ACTL6B: variants seen among roughly 807,000 people sequenced by gnomAD.
The protein encoded by ACTL6B is actin-like protein 6B.
In ACTL6B, 48 loss-of-function variants were observed where a neutral mutation model predicts 63.3. The ratio of observed to expected loss-of-function variants is 0.76; its 90% CI spans 0.60 to 0.96. ACTL6B has a LOEUF of 0.96. Ranked by LOEUF, ACTL6B falls within the 50% of genes least tolerant of loss-of-function variation. The pLI, the probability that ACTL6B is intolerant of heterozygous loss-of-function variation, is 0.00. For missense variants in ACTL6B, 350 were observed against 572.2 expected (o/e 0.61, Z 3.96); for synonymous variants, 230 against 223.8 (o/e 1.03, Z -0.25).
Position 100,646,370 on chromosome 7 carries a change from CT to C in ACTL6B, c.1114-36del, listed in dbSNP as rs773507597. The stretch of plus-strand genomic sequence containing the variant: ...AAAAGGGGCTGGGGGAAGCAGACAC[CT>C]AGGTTCTGGGAAGGGACAGGGCTTG... On this transcript the variant is annotated intron_variant, in intron 12 of 13. Transcript: ENST00000160382. The surrounding 1 kb of genome is among the most constrained non-coding windows in gnomAD (Gnocchi z 6.1). 1.9e-6 allele frequency: 3 copies of C among 1,608,226 alleles called. No homozygotes were observed. The highest frequency in any genetic ancestry group is 2.5e-6 in the Non-Finnish European group (3 of 1,176,916).
chr7:100,648,723 C>A lies in ACTL6B; in HGVS notation c.562+6G>T, dbSNP rs768670700. On this transcript the variant is annotated splice_donor_region_variant and intron_variant, in intron 6 of 13. Transcript: ENST00000160382. This position sits in a 1 kb window ranked among gnomAD's most constrained non-coding sequence, Gnocchi z 4.4. ...GGAGCACCCCCACCCCCTGCCGAAG[C>A]CCCACCTTGCTGCAGAACGTAGCCG... The A allele has an allele frequency of 1.1e-5, 18 of 1,613,956 alleles. No homozygotes were observed. The highest frequency in any genetic ancestry group is 1.5e-5 in the Non-Finnish European group (18 of 1,179,992).
rs1803819691 is a variant in ACTL6B at position 100,646,249 on chromosome 7, C to T, written c.1200G>A (p.Leu400=). Residue 400 remains leucine (L), a splice_region_variant and synonymous_variant, in exon 13 of 14, where the codon CTG becomes CTA. Transcript: ENST00000160382. This position sits in a 1 kb window ranked among gnomAD's most constrained non-coding sequence, Gnocchi z 6.1. The part of the protein sequence containing the change: ...PWIGGSILAS[L]GTFQQMWISK... Reference sequence around the variant, plus strand: ...CTAGGCCAGGTCCCTTTCCTCTCACCAGTGAGGCCAGGATGGAACCCCCGA... The same window carrying T: ...CTAGGCCAGGTCCCTTTCCTCTCACTAGTGAGGCCAGGATGGAACCCCCGA... 6.2e-7 allele frequency: 1 copy of T among 1,613,964 alleles called. No individual in the cohort carries two copies. Among genetic ancestry groups the T allele is most frequent in the Non-Finnish European group, 8.5e-7 (1 of 1,179,898 alleles).
At position 100,647,826 on chromosome 7, in the gene ACTL6B, C is replaced by T; in HGVS notation, c.670-293G>A. 2.5e-6 allele frequency: 1 copy of T among 405,258 alleles called. No individual in the cohort carries two copies. The highest frequency in any genetic ancestry group is 4.4e-6 in the Non-Finnish European group (1 of 226,118). The allele number at this position is 405,258 out of a possible 1,614,324, so 25.1% of individuals were successfully genotyped here. The stretch of plus-strand genomic sequence containing the variant: ...TAGGGGGTCATGATCCATGTGAGGG[C>T]ACGGAATGGAGCTAAGCACACAGTG... On this transcript the variant is annotated intron_variant, in intron 7 of 13. Coordinates refer to ENST00000160382, the MANE Select transcript of ACTL6B (RefSeq NM_016188.5). The surrounding 1 kb of genome is among the most constrained non-coding windows in gnomAD (Gnocchi z 4.4).
At position 100,648,767 on chromosome 7, in the gene ACTL6B, G is replaced by A; in HGVS notation, c.524C>T (p.Thr175Met). 1 of 1,614,116 alleles carries A rather than the reference G, an allele frequency of 6.2e-7. No individual in the cohort carries two copies. Among genetic ancestry groups the A allele is most frequent in the Non-Finnish European group, 8.5e-7 (1 of 1,180,016 alleles). ...GTAGCCGTCATGTACTGGAATGGCC[G>A]TGGTGTGGGTGGCTCCACTGTCCAG... ...LVLDSGATHT[T>M]AIPVHDGYVL... The change falls in exon 6 of 14, where the codon ACG (threonine) becomes ATG (methionine). Residue 175 changes from threonine to methionine, a missense_variant. Physicochemically the swap from Thr to Met is moderately conservative, Grantham distance 81. Around this residue, in one of 3 missense-constraint regions of ACTL6B, gnomAD observed 250 missense variants for 364.7 expected, o/e 0.69. Transcript: ENST00000160382. This position sits in a 1 kb window ranked among gnomAD's most constrained non-coding sequence, Gnocchi z 4.4.
chr7:100,647,330 AGCACCCCCTGCCCC>A lies in ACTL6B; in HGVS notation c.760-60_760-47del. 6.2e-7 allele frequency: 1 copy of A among 1,608,680 alleles called. No homozygotes were observed. Among genetic ancestry groups the A allele is most frequent in the Non-Finnish European group, 8.5e-7 (1 of 1,176,712 alleles). ...GTGAGGGCCTGCCTTCCCCGTGAGCAGCACCCCCTGCCCCGCTCCCCCTCCCTGCTCCCCCTCCC... is the reference window on the plus strand; with the variant it reads ...GTGAGGGCCTGCCTTCCCCGTGAGCAGCTCCCCCTCCCTGCTCCCCCTCCC... On this transcript the variant is annotated intron_variant, in intron 8 of 13. Transcript: ENST00000160382. This position sits in a 1 kb window ranked among gnomAD's most constrained non-coding sequence, Gnocchi z 4.4.
At position 100,648,738 on chromosome 7, in the gene ACTL6B, G is replaced by A. The variant is rs781683618; in HGVS notation, c.553C>T (p.Leu185=). Residue 185 remains leucine (L), a synonymous_variant, in exon 6 of 14, where the codon CTG becomes TTG. Coordinates refer to ENST00000160382, the MANE Select transcript of ACTL6B (RefSeq NM_016188.5). The surrounding 1 kb of genome is among the most constrained non-coding windows in gnomAD (Gnocchi z 4.4). ...TAIPVHDGYV[L]QQGIVKSPLA... is the part of the protein sequence containing the mutation. ...CCTGCCGAAGCCCCACCTTGCTGCA[G>A]AACGTAGCCGTCATGTACTGGAATG... The A allele has an allele frequency of 6.2e-7, 1 of 1,614,126 alleles. No individual in the cohort carries two copies. The highest frequency in any genetic ancestry group is 8.5e-7 in the Non-Finnish European group (1 of 1,180,022).
Position 100,655,869 on chromosome 7 carries a change from C to A in ACTL6B, c.36G>T (p.Gly12=), listed in dbSNP as rs1168399517. ...AGGAGCCAATGTCAAAGACCAGCGC[C>A]CCCACCTCATCTGTGCGGGGAGACA... ...SGGVYGGDEV[G]ALVFDIGSFS... Residue 12 remains glycine (G), a synonymous_variant, in exon 2 of 14, where the codon GGG becomes GGT. Coordinates refer to ENST00000160382, the MANE Select transcript of ACTL6B (RefSeq NM_016188.5). This position sits in a 1 kb window ranked among gnomAD's most constrained non-coding sequence, Gnocchi z 4.4. 1 of 1,571,082 alleles carries A rather than the reference C, an allele frequency of 6.4e-7. No individual in the cohort carries two copies. The highest frequency in any genetic ancestry group is 1.8e-5 in the Admixed American group (1 of 54,328).
At chr7:100,652,187 A>G (rs1305087388) in intron 4 of ACTL6B, among the ~76,000 whole-genome samples, 2 of 151,968 alleles carry the variant, frequency 1.3e-5, no homozygotes, top group East Asian at 3.9e-4. Flanking sequence ...TCGCGAGGTC[A>G]GGAGATGGAG....
Position 100,648,499 on chromosome 7 carries a change from GC to G in ACTL6B, c.669+56del. ...TATCTCATGTGTCAGAGGGTTGACG[GC>G]CATGGGGCGAGTGGCCAGGACTCTA... On this transcript the variant is annotated intron_variant, in intron 7 of 13. Coordinates refer to ENST00000160382, the MANE Select transcript of ACTL6B (RefSeq NM_016188.5). This position sits in a 1 kb window ranked among gnomAD's most constrained non-coding sequence, Gnocchi z 4.4. 6.9e-7 allele frequency: 1 copy of G among 1,439,454 alleles called. No homozygotes were observed. Among genetic ancestry groups the G allele is most frequent in the Non-Finnish European group, 9.4e-7 (1 of 1,066,410 alleles). The allele number at this position is 1,439,454 out of a possible 1,614,324, so 89.2% of individuals were successfully genotyped here.
At chr7:100,645,878 C>T (rs915016187) in intron 13 of ACTL6B, among the ~76,000 whole-genome samples, 3 of 152,280 alleles carry the variant, frequency 2.0e-5, no homozygotes, top group East Asian at 3.9e-4. Flanking sequence ...GTGATCCACC[C>T]GTCTCGGCCT....
At position 100,646,584 on chromosome 7, in the gene ACTL6B, C is replaced by T. The variant is rs781395688; in HGVS notation, c.1080G>A (p.Arg360=). The change falls in exon 12 of 14, where the codon AGG becomes AGA. Residue 360 remains arginine, a synonymous_variant. Coordinates refer to ENST00000160382, the MANE Select transcript of ACTL6B (RefSeq NM_016188.5). The surrounding 1 kb of genome is among the most constrained non-coding windows in gnomAD (Gnocchi z 6.1). ...GNTLLQGFTD[R]LNRELSQKTP... ...TCTTCTGGGAAAGCTCTCGATTGAG[C>T]CTGTCAGTGAAGCCCTGCAGCAGTG... 3 of 1,613,920 alleles carry T rather than the reference C, an allele frequency of 1.9e-6. No individual in the cohort carries two copies. The highest frequency in any genetic ancestry group is 1.3e-5 in the African/African-American group (1 of 74,902).
chr7:100,648,758 G>C lies in ACTL6B; in HGVS notation c.533C>G (p.Pro178Arg). Residue 178 changes from proline (P) to arginine (R), a missense_variant, in exon 6 of 14, where the codon CCA (proline) becomes CGA (arginine). Physicochemically the swap from Pro to Arg is moderately radical, Grantham distance 103. Around this residue, in one of 3 missense-constraint regions of ACTL6B, gnomAD observed 250 missense variants for 364.7 expected, o/e 0.69. Transcript: ENST00000160382. The surrounding 1 kb of genome is among the most constrained non-coding windows in gnomAD (Gnocchi z 4.4). Reference protein sequence around the residue: ...DSGATHTTAIPVHDGYVLQQG... With the variant: ...DSGATHTTAIRVHDGYVLQQG... ...CTGCAGAACGTAGCCGTCATGTACT[G>C]GAATGGCCGTGGTGTGGGTGGCTCC... 1 of 1,614,136 alleles carries C rather than the reference G, an allele frequency of 6.2e-7. No homozygotes were observed. The highest frequency in any genetic ancestry group is 8.5e-7 in the Non-Finnish European group (1 of 1,180,024).
At position 100,648,867 on chromosome 7, in the gene ACTL6B, A is replaced by AG; in HGVS notation, c.468-45dup. Reference sequence around the variant, plus strand: ...GTCAAAGAGACAGCAGCAGCAAGTGAGGGGCCTGGGCCCAGATCTTGTCTG... The same window carrying AG: ...GTCAAAGAGACAGCAGCAGCAAGTGAGGGGGCCTGGGCCCAGATCTTGTCTG... On this transcript the variant is annotated intron_variant, in intron 5 of 13. Transcript: ENST00000160382. The surrounding 1 kb of genome is among the most constrained non-coding windows in gnomAD (Gnocchi z 4.4). The AG allele has an allele frequency of 6.3e-7, 1 of 1,577,574 alleles. No individual in the cohort carries two copies. The highest frequency in any genetic ancestry group is 8.6e-7 in the Non-Finnish European group (1 of 1,160,344).
chr7:100,644,060 C>T (rs535172830), intron 13 of ACTL6B, among the ~76,000 whole-genome samples: 201 of 152,116 alleles, frequency 1.3e-3, no homozygotes, highest in African/African-American at 4.3e-3. Flanking sequence ...CCAACACGCC[C>T]GGCTAATTTT....
rs528424882 is a variant in ACTL6B at position 100,646,157 on chromosome 7, G to A, written c.1200+92C>T. 73 of 1,054,846 alleles carry A rather than the reference G, an allele frequency of 6.9e-5. No individual in the cohort carries two copies. Among genetic ancestry groups the A allele is most frequent in the Middle Eastern group, 2.0e-4 (1 of 5,010 alleles). 65.3% of individuals were successfully genotyped at this position (1,054,846 alleles called of 1,614,324 possible). On this transcript the variant is annotated intron_variant, in intron 13 of 13. Transcript: ENST00000160382. The surrounding 1 kb of genome is among the most constrained non-coding windows in gnomAD (Gnocchi z 6.1). The stretch of plus-strand genomic sequence containing the variant: ...AAAACTAAATGTTTGTTGAATGAAT[G>A]AATGAACGAAGAGGCAGTCAAAGTG...
chr7:100,651,574 T>A (rs1158196393), intron 4 of ACTL6B, among the ~76,000 whole-genome samples: 9 of 151,832 alleles, frequency 5.9e-5, no homozygotes, highest in Admixed American at 3.3e-4. Context: ...AGTTTTTTTT[T>A]AGATTATTAT....
At chr7:100,652,829 C>T (rs1272870147) in intron 4 of ACTL6B, among the ~76,000 whole-genome samples, 6 of 149,774 alleles carry the variant, frequency 4.0e-5, no homozygotes, top group Admixed American at 2.7e-4. Context: ...GGTGAAACCC[C>T]GTCTCTACTA....
In ACTL6B at chr7:100,648,641, G is replaced by T; in HGVS notation, c.584C>A (p.Ala195Glu). The part of the protein sequence containing the change: ...LQQGIVKSPL[A>E]GDFISMQCRE... The stretch of plus-strand genomic sequence containing the variant: ...GCACTGCATGGAGATGAAGTCCCCT[G>T]CCAGAGGGGACTTGACGATGCCTAG... Residue 195 changes from alanine to glutamate, a missense_variant, in exon 7 of 14, where the codon GCA (alanine) becomes GAA (glutamate). Physicochemically the swap from Ala to Glu is moderately radical, Grantham distance 107. Around this residue, in one of 3 missense-constraint regions of ACTL6B, gnomAD observed 250 missense variants for 364.7 expected, o/e 0.69. Transcript: ENST00000160382. This position sits in a 1 kb window ranked among gnomAD's most constrained non-coding sequence, Gnocchi z 4.4. 1 of 1,612,578 alleles carries T rather than the reference G, an allele frequency of 6.2e-7. No homozygotes were observed. Among genetic ancestry groups the T allele is most frequent in the East Asian group, 2.2e-5 (1 of 44,804 alleles).
At position 100,655,174 on chromosome 7, in the gene ACTL6B, A is replaced by T; in HGVS notation, c.269-55T>A. 6.7e-7 allele frequency: 1 copy of T among 1,488,158 alleles called. No homozygotes were observed. 92.2% of individuals were successfully genotyped at this position (1,488,158 alleles called of 1,614,324 possible). A position where few individuals can be genotyped will look rare whatever the true frequency, so the allele number is the denominator to read the frequency against. On this transcript the variant is annotated intron_variant, in intron 3 of 13. Transcript: ENST00000160382. The surrounding 1 kb of genome is among the most constrained non-coding windows in gnomAD (Gnocchi z 4.4). ...GCAAGAAGGCAGGCAGGGGACAGGGACAGGAAGAAAAGGAGGGAGAAAGGC... is the reference window on the plus strand; with the variant it reads ...GCAAGAAGGCAGGCAGGGGACAGGGTCAGGAAGAAAAGGAGGGAGAAAGGC...
Sources: allele counts gnomAD v4.1 joint callset (sites outside exome capture counted in the v4.1 genomes callset), GRCh38; gene constraint gnomAD v4.1.1; regional missense constraint gnomAD v4.1.1; non-coding constraint Gnocchi (gnomAD v3.1); transcripts MANE v1.5; gene names NCBI Gene and HGNC (gene_info 2026-07-23, HGNC 2026-07-21).